The following DLGAP2 variants were observed in gnomAD, a reference collection of about 807,000 sequenced individuals.
DLGAP2 encodes DLG associated protein 2, also known as disks large-associated protein 2.
In DLGAP2, 26 loss-of-function variants were observed where a neutral mutation model predicts 100.3. That is an observed-to-expected ratio of 0.26 (90% CI 0.19 to 0.36). DLGAP2 has a LOEUF of 0.36. DLGAP2 is among the 10% of genes least tolerant of loss of function. The pLI, the probability that DLGAP2 is intolerant of heterozygous loss-of-function variation, is 1.00. For synonymous variants in DLGAP2, 886 were observed against 630.1 expected, an observed-to-expected ratio of 1.41 and a Z score of -6.08; for missense variants, 1,858 against 1,453.2, an observed-to-expected ratio of 1.28 and a Z score of -4.53.
At chr8:1,055,872 A>G (rs1802867714) in intron 2 of DLGAP2, among the ~76,000 whole-genome samples, 1 of 152,216 alleles carries the variant, frequency 6.6e-6, no homozygotes, top group Non-Finnish European at 1.5e-5. Context: ...ACAATATTTA[A>G]TCTCTATGGA....
chr8:1,214,956 A>G (rs895879731), intron 2 of DLGAP2, among the ~76,000 whole-genome samples: 12 of 152,232 alleles, frequency 7.9e-5, no homozygotes, highest in Non-Finnish European at 1.3e-4. Context: ...GCGTTTAAAA[A>G]TGCAGTGCAA....
intron 2 of DLGAP2, among the ~76,000 whole-genome samples, chr8:1,214,269 G>A (rs1798166838): frequency 6.6e-6 from 1 of 152,202 alleles, no homozygotes; most frequent in African/African-American, 2.4e-5. Context: ...GGTGGAACTG[G>A]GAGTAGGACA....
At chr8:1,366,407 G>C (rs914555578) in intron 3 of DLGAP2, among the ~76,000 whole-genome samples, 1 of 152,206 alleles carries the variant, frequency 6.6e-6, no homozygotes. Context: ...TGTTGTGAGA[G>C]AACCAAGCGC....
At chr8:778,016 T>C (rs1437604712) in intron 1 of DLGAP2, among the ~76,000 whole-genome samples, 2 of 150,882 alleles carry the variant, frequency 1.3e-5, no homozygotes, top group Non-Finnish European at 2.9e-5. Flanking sequence ...TCTTTTCACG[T>C]AGTCCCATAT....
chr8:1,213,644 T>C (rs1798153577), intron 2 of DLGAP2, among the ~76,000 whole-genome samples: 1 of 152,150 alleles, frequency 6.6e-6, no homozygotes, highest in Non-Finnish European at 1.5e-5. Flanking sequence ...GAGCTTCCCG[T>C]CTTTCTCTGG....
intron 2 of DLGAP2, 143 bp from the exon 3 acceptor site, chr8:1,258,708 T>C (rs1188454292): frequency 8.0e-6 from 5 of 627,574 alleles, no homozygotes; most frequent in Non-Finnish European, 1.1e-5. Context: ...GCTGGCTTTG[T>C]TTATGGAAGG....
intron 4 of DLGAP2, among the ~76,000 whole-genome samples, chr8:1,524,558 C>G (rs1800724370): frequency 1.3e-5 from 2 of 152,152 alleles, no homozygotes; most frequent in Non-Finnish European, 2.9e-5. Context: ...GCCCCTCTCC[C>G]TGGCATGCAA....
intron 1 of DLGAP2, among the ~76,000 whole-genome samples, chr8:777,927 T>G (rs1821572107): frequency 6.6e-6 from 1 of 152,222 alleles, no homozygotes; most frequent in South Asian, 2.1e-4. Context: ...TTCTCCTGAG[T>G]AATATCCTGC....
At chr8:1,175,442 A>C (rs1025779363) in intron 2 of DLGAP2, among the ~76,000 whole-genome samples, 4 of 152,246 alleles carry the variant, frequency 2.6e-5, no homozygotes, top group African/African-American at 9.6e-5. Flanking sequence ...CATTTATAAA[A>C]AGGAAACTAT....
intron 13 of DLGAP2, among the ~76,000 whole-genome samples, chr8:1,694,167 C>T (rs1263716989): frequency 6.6e-6 from 1 of 152,218 alleles, no homozygotes; most frequent in African/African-American, 2.4e-5. Context: ...CCTTTTCTTT[C>T]AACTTCTATT....
At chr8:847,084 C>T (rs1585926102) in intron 1 of DLGAP2, among the ~76,000 whole-genome samples, 1 of 152,184 alleles carries the variant, frequency 6.6e-6, no homozygotes, top group African/African-American at 2.4e-5. Context: ...TTTGGCTGAA[C>T]TTGCCATTAA....
intron 4 of DLGAP2, among the ~76,000 whole-genome samples, chr8:1,512,679 G>C (rs1800212217): frequency 6.6e-6 from 1 of 152,200 alleles, no homozygotes; most frequent in Non-Finnish European, 1.5e-5. Flanking sequence ...AATTCTAGGA[G>C]GTTCAGCTGA....
chr8:859,484 G>T (rs994533583), intron 1 of DLGAP2, among the ~76,000 whole-genome samples: 1 of 152,148 alleles, frequency 6.6e-6, no homozygotes, highest in Non-Finnish European at 1.5e-5. Flanking sequence ...CTGAGAGCTG[G>T]TTAGCGGCAC....
intron 8 of DLGAP2, among the ~76,000 whole-genome samples, chr8:1,645,056 C>T (rs1024528069): frequency 3.3e-5 from 5 of 152,186 alleles, no homozygotes; most frequent in African/African-American, 1.2e-4. Flanking sequence ...GATGGCACCA[C>T]AGCACTCTAG....
At chr8:1,430,656 T>G (rs1797399954) in intron 3 of DLGAP2, among the ~76,000 whole-genome samples, 1 of 152,230 alleles carries the variant, frequency 6.6e-6, no homozygotes, top group Non-Finnish European at 1.5e-5. Context: ...GAGAGGAGTT[T>G]GTGACCTGCC....
chr8:1,625,495 C>A (rs4876110), intron 6 of DLGAP2, among the ~76,000 whole-genome samples: 150,779 of 152,364 alleles, frequency 0.99, 74,613 homozygotes, highest in East Asian at 1. Flanking sequence ...GACCGTTGTG[C>A]TTATAAAATG....
intron 2 of DLGAP2, among the ~76,000 whole-genome samples, chr8:1,249,133 G>A (rs887765808): frequency 2.0e-5 from 3 of 152,156 alleles, no homozygotes; most frequent in African/African-American, 7.2e-5. Context: ...GAGGGTGGCT[G>A]GATTAATGAG....
chr8:1,045,113 A>G (rs117627364), intron 2 of DLGAP2, among the ~76,000 whole-genome samples: 2,665 of 152,296 alleles, frequency 0.017, 26 homozygotes, highest in Middle Eastern at 0.031. Context: ...TCCCTGAACC[A>G]CAGAGGTTGA....
At chr8:1,514,414 C>T (rs904054655) in intron 4 of DLGAP2, among the ~76,000 whole-genome samples, 2 of 152,222 alleles carry the variant, frequency 1.3e-5, no homozygotes, top group African/African-American at 4.8e-5. Context: ...TTAAGCTCCA[C>T]TTTTAAAACT....
Sources: allele counts gnomAD v4.1 joint callset (sites outside exome capture counted in the v4.1 genomes callset), GRCh38; gene constraint gnomAD v4.1.1; transcripts MANE v1.5; gene names NCBI Gene and HGNC (gene_info 2026-07-23, HGNC 2026-07-21).